The following SAA2 variants were observed in gnomAD, a reference collection of about 807,000 sequenced individuals.
The protein encoded by SAA2 is serum amyloid A-2 protein.
In SAA2, 5 loss-of-function variants were observed where a neutral mutation model predicts 9.1. The ratio of observed to expected loss-of-function variants is 0.55; its 90% CI spans 0.29 to 1.16. The LOEUF (loss-of-function observed/expected upper bound fraction) is 1.16. Ranked by LOEUF, SAA2 falls within the 50% of genes most tolerant of loss-of-function variation. The probability of loss-of-function intolerance (pLI) is 0.09; values close to 1 mark genes in which losing one functional copy is unlikely to be tolerated. For synonymous variants in SAA2, 49 were observed against 59.8 expected (o/e 0.82, Z 0.83); for missense variants, 94 against 153.8 (o/e 0.61, Z 2.06).
chr11:18,241,025 A>T (rs1157890056), downstream of SAA2, among the ~76,000 whole-genome samples: 1 of 152,224 alleles, frequency 6.6e-6, no homozygotes, highest in Non-Finnish European at 1.5e-5. Context: ...AGAAAAAAGG[A>T]AATAACCCCA....
downstream of SAA2, chr11:18,242,732 G>T (rs1224994561): frequency 1.4e-6 from 1 of 698,058 alleles, no homozygotes; most frequent in African/African-American, 1.7e-5. Context: ...TGCAGTCCCA[G>T]TTATTCAAGA....
intron 2 of SAA2, 47 bp from the exon 3 acceptor site, chr11:18,246,095 A>C: frequency 6.3e-7 from 1 of 1,584,862 alleles, no homozygotes; most frequent in Non-Finnish European, 8.6e-7. Context: ...GAACATAAAG[A>C]CTCCAACAAC....
downstream of SAA2, among the ~76,000 whole-genome samples, chr11:18,238,811 C>A (rs1027160306): frequency 2.0e-5 from 3 of 151,702 alleles, no homozygotes; most frequent in South Asian, 2.1e-4. Context: ...CTCACTCCCC[C>A]CCTCCCCACT....
chr11:18,241,411 A>G (rs1355954244), downstream of SAA2, among the ~76,000 whole-genome samples: 1 of 152,190 alleles, frequency 6.6e-6, no homozygotes, highest in African/African-American at 2.4e-5. Context: ...ATAGATCATT[A>G]TATAAAAAAT....
At position 18,245,423 on chromosome 11, in the gene SAA2, C is replaced by T. The variant is rs773911780; in HGVS notation, c.323G>A (p.Arg108Lys). The change falls in exon 4 of 4, where the codon AGA becomes AAA. Residue 108 changes from arginine (R) to lysine (K), a missense_variant. This residue lies in a region of SAA2 where 62 missense variants were observed against 58.3 expected (regional missense o/e 1.06). Transcript: ENST00000256733. ...AGCAGGTCGGAAGTGATTGGGGTCT[C>T]TGCCACTCCTGCCCCATTTATTGGC... ...QAANKWGRSGRDPNHFRPAGL... is the reference protein window; with the variant it reads ...QAANKWGRSGKDPNHFRPAGL... 22 of 1,614,132 alleles carry T rather than the reference C, an allele frequency of 1.4e-5. No individual in the cohort carries two copies. Among genetic ancestry groups the T allele is most frequent in the East Asian group, 1.1e-4 (5 of 44,898 alleles).
intron 3 of SAA2, chr11:18,240,211 T>A (rs1857306084): frequency 4.2e-6 from 3 of 711,566 alleles, no homozygotes; most frequent in African/African-American, 1.7e-5. Flanking sequence ...CTCTTGAAAT[T>A]TGAATGAGGC....
downstream of SAA2, among the ~76,000 whole-genome samples, chr11:18,238,915 G>A (rs561545513): frequency 6.6e-6 from 1 of 151,154 alleles, no homozygotes; most frequent in East Asian, 2.0e-4. Flanking sequence ...GTGAGAACAT[G>A]TGATGTTTGT....
chr11:18,243,981 T>C (rs1857423207), downstream of SAA2, among the ~76,000 whole-genome samples: 2 of 152,188 alleles, frequency 1.3e-5, no homozygotes, highest in African/African-American at 4.8e-5. Context: ...TGAAGACATC[T>C]TTTCCTGTTC....
chr11:18,247,050 C>A (rs1197162688), intron 2 of SAA2, among the ~76,000 whole-genome samples: 1 of 152,282 alleles, frequency 6.6e-6, no homozygotes, highest in African/African-American at 2.4e-5. Context: ...CTCTGCCCTG[C>A]CACCTGCTGA....
downstream of SAA2, among the ~76,000 whole-genome samples, chr11:18,238,522 A>C (rs1306750411): frequency 6.6e-6 from 1 of 151,870 alleles, no homozygotes; most frequent in African/African-American, 2.4e-5. Flanking sequence ...CCTTTTTAAA[A>C]ATTTTTTGTG....
At chr11:18,244,819 T>C (rs1261768880), downstream of SAA2, among the ~76,000 whole-genome samples, 5 of 152,178 alleles carry the variant, frequency 3.3e-5, no homozygotes, top group Non-Finnish European at 5.9e-5. Flanking sequence ...GGGTAGAAAT[T>C]CATTAATGCC....
rs759882537 is a variant in SAA2, at chr11:18,245,352, C to T, written c.*25G>A. On this transcript the variant is annotated 3_prime_UTR_variant, in exon 4 of 4. Transcript: ENST00000256733. ...CCCCGAGGGCCTCATAGCCAGGTCT[C>T]CTGAGAGCAGAGTGAAGAGGAAGCT... The T allele has an allele frequency of 3.2e-5, 51 of 1,613,690 alleles. No individual in the cohort carries two copies. Among genetic ancestry groups the T allele is most frequent in the Non-Finnish European group, 4.0e-5 (47 of 1,179,944 alleles).
downstream of SAA2, chr11:18,242,864 A>G (rs1162904249): frequency 4.3e-6 from 3 of 699,882 alleles, no homozygotes; most frequent in Non-Finnish European, 7.8e-6. Flanking sequence ...GAAACAAAAC[A>G]AAACACAACT....
At chr11:18,240,600 C>T (rs986551105), downstream of SAA2, among the ~76,000 whole-genome samples, 5 of 152,106 alleles carry the variant, frequency 3.3e-5, no homozygotes, top group Non-Finnish European at 5.9e-5. Context: ...TGATCTTTGA[C>T]AAAGTCAACA....
At chr11:18,245,182 T>A (rs1167617905), downstream of SAA2, 1 of 1,312,890 alleles carries the variant, frequency 7.6e-7, no homozygotes, top group East Asian at 2.6e-5. Context: ...TGCATTGATT[T>A]CCCTTTTGTA....
At chr11:18,242,976 G>A (rs1298539674), downstream of SAA2, among the ~76,000 whole-genome samples, 3 of 152,186 alleles carry the variant, frequency 2.0e-5, no homozygotes, top group Non-Finnish European at 2.9e-5. Flanking sequence ...AAAGGTATTT[G>A]GGTGTGCCAG....
At chr11:18,243,629 C>A (rs994783405), downstream of SAA2, among the ~76,000 whole-genome samples, 1 of 152,204 alleles carries the variant, frequency 6.6e-6, no homozygotes, top group African/African-American at 2.4e-5. Context: ...CCTCCTATAC[C>A]TACACTTCTA....
chr11:18,248,570 GT>G (rs1590015805), intron 1 of SAA2, 32 bp downstream of exon 1: 2 of 157,042 alleles, frequency 1.3e-5, no homozygotes, highest in African/African-American at 4.8e-5. Flanking sequence ...AACAGAGTAA[GT>G]TTTAAAAATC....
At chr11:18,239,509 C>A (rs186042057) in exon 4 of SAA2, 7 of 393,222 alleles carry the variant, frequency 1.8e-5, no homozygotes, top group Non-Finnish European at 2.7e-5. Flanking sequence ...TCTCTCTTAT[C>A]ACTGCTCCAT....
Sources: allele counts gnomAD v4.1 joint callset (sites outside exome capture counted in the v4.1 genomes callset), GRCh38; gene constraint gnomAD v4.1.1; regional missense constraint gnomAD v4.1.1; transcripts MANE v1.5; gene names NCBI Gene and HGNC (gene_info 2026-07-23, HGNC 2026-07-21).